Variants in CTNNA3 observed in about 807,000 individuals in gnomAD.
The protein encoded by CTNNA3 is catenin alpha 3, also known as catenin alpha-3.
A neutral mutation model predicts 95.7 loss-of-function variants in CTNNA3; 76 were observed. That is an observed-to-expected ratio of 0.79 (90% CI 0.66 to 0.96). The LOEUF is 0.96. Among genes scored for constraint, CTNNA3 ranks in the 40% least tolerant of loss-of-function variants. The probability of loss-of-function intolerance (pLI) is 0.00; values close to 1 mark genes in which losing one functional copy is unlikely to be tolerated. For missense variants in CTNNA3, 1,191 were observed against 1,089.8 expected (o/e 1.09, Z -1.31); for synonymous variants, 431 against 374.4 (o/e 1.15, Z -1.74).
chr10:66,279,167 C>T (rs1330833358), intron 13 of CTNNA3, among the ~76,000 whole-genome samples: 2 of 152,068 alleles, frequency 1.3e-5, no homozygotes, highest in African/African-American at 4.8e-5. Flanking sequence ...TCCTGCTGCC[C>T]TGCCAGACTC....
intron 7 of CTNNA3, among the ~76,000 whole-genome samples, chr10:67,020,601 G>A (rs181412890): frequency 1.3e-3 from 191 of 152,286 alleles, no homozygotes; most frequent in Middle Eastern, 0.01. Context: ...ATTGGGCACT[G>A]TAGAGAATCA....
At chr10:66,091,275 C>T (rs765227375) in intron 14 of CTNNA3, among the ~76,000 whole-genome samples, 1 of 151,924 alleles carries the variant, frequency 6.6e-6, no homozygotes, top group African/African-American at 2.4e-5. Context: ...TTTCCAAATG[C>T]CCATTGTCTA....
chr10:67,415,240 G>A (rs1203250937), intron 5 of CTNNA3, among the ~76,000 whole-genome samples: 2 of 152,156 alleles, frequency 1.3e-5, no homozygotes, highest in Middle Eastern at 3.2e-3. Context: ...ATATGATTTT[G>A]TACCTAGAAA....
At chr10:67,032,807 C>G (rs192585577) in intron 7 of CTNNA3, among the ~76,000 whole-genome samples, 1 of 152,206 alleles carries the variant, frequency 6.6e-6, no homozygotes, top group East Asian at 1.9e-4. Context: ...AATTAGCTCC[C>G]CTATCAGACC....
chr10:67,200,338 A>T lies in CTNNA3; in HGVS notation c.843+19269T>A, dbSNP rs139579528. 6.6e-5 allele frequency among the ~76,000 whole-genome samples: 10 copies of T among 152,324 alleles called. No individual in the cohort carries two copies. The East Asian group carries it at 1.9e-3, about 29-fold the overall frequency. ...AAAAAAATAGAAATTCTTACTATTG[A>T]TAAAAAGAGAAGAGAATCCAACTTC... On this transcript the variant is annotated intron_variant, in intron 6 of 17. Coordinates refer to ENST00000433211, the MANE Select transcript of CTNNA3 (RefSeq NM_013266.4).
intron 7 of CTNNA3, among the ~76,000 whole-genome samples, chr10:67,107,425 C>A (rs1858701113): frequency 6.6e-6 from 1 of 152,164 alleles, no homozygotes. Context: ...ATTTTGAAGA[C>A]TGATCCAGGC....
chr10:66,695,910 G>T (rs1485296640), intron 9 of CTNNA3, among the ~76,000 whole-genome samples: 4 of 53,626 alleles, frequency 7.5e-5, no homozygotes. Flanking sequence ...GGGTGAAAGA[G>T]ACGTAAGGGG....
At chr10:66,403,676 A>G (rs535482675) in intron 11 of CTNNA3, among the ~76,000 whole-genome samples, 2 of 152,290 alleles carry the variant, frequency 1.3e-5, no homozygotes, top group East Asian at 3.9e-4. Context: ...CAGGGTGAGC[A>G]GACCCCAGTT....
intron 5 of CTNNA3, among the ~76,000 whole-genome samples, chr10:67,433,414 A>C (rs187900124): frequency 8.7e-4 from 133 of 152,204 alleles, no homozygotes; most frequent in Non-Finnish European, 1.3e-3. Context: ...AAAATTTTGA[A>C]ATATTGCAAG....
At chr10:66,709,627 T>C (rs1848227623) in intron 9 of CTNNA3, among the ~76,000 whole-genome samples, 1 of 152,132 alleles carries the variant, frequency 6.6e-6, no homozygotes, top group African/African-American at 2.4e-5. Flanking sequence ...CTCACTTATA[T>C]TGATTACAAA....
intron 1 of CTNNA3, among the ~76,000 whole-genome samples, chr10:67,763,082 G>T (rs1841471084): frequency 6.6e-6 from 1 of 152,060 alleles, no homozygotes; most frequent in Non-Finnish European, 1.5e-5. Flanking sequence ...AGCTAGTCCT[G>T]CTACGTAGGT....
intron 5 of CTNNA3, among the ~76,000 whole-genome samples, chr10:67,401,554 T>C (rs968614988): frequency 1.3e-5 from 2 of 152,066 alleles, no homozygotes; most frequent in African/African-American, 4.8e-5. Flanking sequence ...CCAGTAAGGA[T>C]ATGGGTTATT....
intron 10 of CTNNA3, among the ~76,000 whole-genome samples, chr10:66,532,691 G>GT (rs1310477234): frequency 1.3e-5 from 2 of 152,140 alleles, no homozygotes; most frequent in African/African-American, 4.8e-5. Context: ...CACTTTAAGT[G>GT]TTCTAAGGGA....
chr10:67,639,587 C>T (rs1368892960), intron 2 of CTNNA3, among the ~76,000 whole-genome samples: 1 of 151,690 alleles, frequency 6.6e-6, no homozygotes, highest in Non-Finnish European at 1.5e-5. Flanking sequence ...CTCTCATGAA[C>T]ATCGATGCAA....
intron 3 of CTNNA3, among the ~76,000 whole-genome samples, chr10:67,561,978 G>C (rs911773329): frequency 2.0e-5 from 3 of 152,166 alleles, no homozygotes; most frequent in Non-Finnish European, 4.4e-5. Flanking sequence ...AACAGGATCT[G>C]AAATTGTGGC....
At chr10:66,847,433 A>G (rs1472557726) in intron 7 of CTNNA3, among the ~76,000 whole-genome samples, 2 of 152,184 alleles carry the variant, frequency 1.3e-5, no homozygotes, top group Admixed American at 1.3e-4. Context: ...CTCAATGACC[A>G]TCTACTATCT....
Position 66,959,610 on chromosome 10 carries a change from T to G in CTNNA3, c.1048-184086A>C, listed in dbSNP as rs537511582. Among the ~76,000 whole-genome samples, 12 of 152,296 alleles carry G rather than the reference T, an allele frequency of 7.9e-5. No individual in the cohort carries two copies. In the East Asian group the frequency reaches 2.3e-3, roughly 29 times the overall value. On this transcript the variant is annotated intron_variant, in intron 7 of 17. Coordinates refer to ENST00000433211, the MANE Select transcript of CTNNA3 (RefSeq NM_013266.4). The stretch of plus-strand genomic sequence containing the variant: ...TGAACTGGTGAAAGTAGATGATTTC[T>G]ACAACTACTTTCAGGTCTAACATTC...
chr10:67,721,389 G>A (rs1051959327), intron 1 of CTNNA3, among the ~76,000 whole-genome samples: 2 of 151,384 alleles, frequency 1.3e-5, no homozygotes, highest in East Asian at 1.9e-4. Context: ...TTGTCTTCAC[G>A]CTTTATTTCA....
chr10:66,457,831 C>A (rs772797207), intron 11 of CTNNA3, among the ~76,000 whole-genome samples: 22 of 152,016 alleles, frequency 1.4e-4, no homozygotes, highest in Non-Finnish European at 2.4e-4. Flanking sequence ...TGCAGATAAG[C>A]AGCTTTATAC....
Sources: allele counts gnomAD v4.1 joint callset (sites outside exome capture counted in the v4.1 genomes callset), GRCh38; gene constraint gnomAD v4.1.1; transcripts MANE v1.5; gene names NCBI Gene and HGNC (gene_info 2026-07-23, HGNC 2026-07-21).